The following MIPEP variants were observed in gnomAD, a reference collection of about 807,000 sequenced individuals.
MIPEP encodes mitochondrial intermediate peptidase.
In MIPEP, 79 loss-of-function variants were observed where a neutral mutation model predicts 90.3. That is an observed-to-expected ratio of 0.87 (90% CI 0.73 to 1.05). The LOEUF is 1.05. Ranked by LOEUF, MIPEP falls within the 50% of genes least tolerant of loss-of-function variation. The pLI, the probability that MIPEP is intolerant of heterozygous loss-of-function variation, is 0.00. For synonymous variants in MIPEP, 334 were observed against 315.8 expected (o/e 1.06, Z -0.61); for missense variants, 940 against 905.6 (o/e 1.04, Z -0.49).
intron 16 of MIPEP, 70 bp downstream of exon 16, chr13:23,805,880 T>C: frequency 1.3e-6 from 2 of 1,528,938 alleles, no homozygotes; most frequent in South Asian, 1.2e-5. Flanking sequence ...AAGGGGAAGA[T>C]AATCACAAGC....
In MIPEP at chr13:23,839,723, C is replaced by T; in HGVS notation, c.1264G>A (p.Val422Ile). 1 of 1,606,422 alleles carries T rather than the reference C, an allele frequency of 6.2e-7. No individual in the cohort carries two copies. The highest frequency in any genetic ancestry group is 8.5e-7 in the Non-Finnish European group (1 of 1,177,926). Residue 422 changes from valine (V) to isoleucine (I), a missense_variant, in exon 12 of 19, where the codon GTT becomes ATT. Coordinates refer to ENST00000382172, the MANE Select transcript of MIPEP (RefSeq NM_005932.4). Reference sequence around the variant, plus strand: ...AACAATCCTTCAGATTCATGAACAACAGCCTAGAAAAAAAAATTTAAATTT... The same window carrying T: ...AACAATCCTTCAGATTCATGAACAATAGCCTAGAAAAAAAAATTTAAATTT... ...VWSEDVRKLA[V>I]VHESEGLLGY...
At chr13:23,869,902 T>C (rs1418195990) in intron 6 of MIPEP, 111 bp downstream of exon 6, 1 of 738,652 alleles carries the variant, frequency 1.4e-6, no homozygotes, top group Non-Finnish European at 2.0e-6. Flanking sequence ...TAGGGCTTAG[T>C]AATGCTAAAA....
At position 23,889,154 on chromosome 13, in the gene MIPEP, A is replaced by C. The variant is rs192176293; in HGVS notation, c.167T>G (p.Leu56Trp). The change falls in exon 1 of 19, where the codon TTG becomes TGG. Residue 56 changes from leucine (L) to tryptophan (W), a missense_variant. Physicochemically the swap from Leu to Trp is moderately conservative, Grantham distance 61. Transcript: ENST00000382172. ...AFNVKPQGSR[L>W]DLFGERRGLF... ...CACCCGGCGCTCGCCGAACAGGTCC[A>C]AGCGGCTGCCCTGGGGCTTGACATT... is the stretch of plus-strand genomic sequence containing the variant. 4.5e-4 allele frequency: 661 copies of C among 1,461,180 alleles called. 6 individuals carry two copies. The African/African-American group carries it at 8.7e-3, about 19-fold the overall frequency. 90.5% of individuals were successfully genotyped at this position (1,461,180 alleles called of 1,614,324 possible).
At chr13:23,790,344 AG>A (rs2137375372) in intron 16 of MIPEP, among the ~76,000 whole-genome samples, 1 of 152,354 alleles carries the variant, frequency 6.6e-6, no homozygotes, top group East Asian at 1.9e-4. Context: ...TTCTGATGAC[AG>A]CAATGCCCCC....
rs558625384 is a variant in MIPEP, at chr13:23,857,803, T to C, written c.1106+1057A>G. ...GTATAGAAAAGAATATAGAAAGTTA[T>C]TGTTTTCTGTTTTTATGACAAATGC... On this transcript the variant is annotated intron_variant, in intron 10 of 18. Transcript: ENST00000382172. 2.6e-5 allele frequency among the ~76,000 whole-genome samples: 4 copies of C among 152,334 alleles called. No individual in the cohort carries two copies. In the East Asian group the frequency reaches 5.8e-4, roughly 22 times the overall value.
At chr13:23,753,255 A>G (rs1446325219) in intron 18 of MIPEP, among the ~76,000 whole-genome samples, 1 of 151,828 alleles carries the variant, frequency 6.6e-6, no homozygotes, top group African/African-American at 2.4e-5. Flanking sequence ...AATAATAATA[A>G]GACAAAAAAA....
intron 6 of MIPEP, 49 bp from the exon 7 acceptor site, chr13:23,869,497 C>T: frequency 6.7e-7 from 1 of 1,488,920 alleles, no homozygotes; most frequent in Non-Finnish European, 9.0e-7. Context: ...ATCACACAGT[C>T]CTATGCAACA....
chr13:23,739,704 C>T lies in MIPEP; in HGVS notation c.2045-9259G>A, dbSNP rs74764530. ...CATCATTAGTGTTCTGAGATAAATG[C>T]CTCTGCCTGCAGGCCAAGCTCCCTG... On this transcript the variant is annotated intron_variant, in intron 18 of 18. Transcript: ENST00000382172. 7.0e-3 allele frequency among the ~76,000 whole-genome samples: 1,065 copies of T among 152,322 alleles called. 20 individuals are homozygous for T. Among genetic ancestry groups the T allele is most frequent in the African/African-American group, 0.025 (1,027 of 41,572 alleles).
intron 14 of MIPEP, among the ~76,000 whole-genome samples, chr13:23,835,540 C>T (rs888764446): frequency 1.1e-4 from 16 of 151,812 alleles, no homozygotes; most frequent in African/African-American, 1.9e-4. Context: ...ACATTTGTAC[C>T]GGGAGTACAT....
chr13:23,768,197 T>C (rs929563567), intron 16 of MIPEP, among the ~76,000 whole-genome samples: 1 of 152,228 alleles, frequency 6.6e-6, no homozygotes, highest in Non-Finnish European at 1.5e-5. Context: ...TTCTATCTGC[T>C]AGCTTGATAG....
chr13:23,868,774 A>G (rs1870653015), intron 7 of MIPEP, among the ~76,000 whole-genome samples: 1 of 152,236 alleles, frequency 6.6e-6, no homozygotes, highest in African/African-American at 2.4e-5. Flanking sequence ...ATTATGAATC[A>G]TAAGGAACTC....
At chr13:23,755,449 G>A (rs1447461177) in intron 18 of MIPEP, among the ~76,000 whole-genome samples, 1 of 152,204 alleles carries the variant, frequency 6.6e-6, no homozygotes, top group African/African-American at 2.4e-5. Context: ...TAGGCAAGGA[G>A]ACATTTAAAT....
intron 14 of MIPEP, among the ~76,000 whole-genome samples, chr13:23,812,825 C>A (rs933801535): frequency 5.9e-5 from 9 of 152,178 alleles, no homozygotes; most frequent in Non-Finnish European, 1.2e-4. Flanking sequence ...ACCCAATTAT[C>A]TATTCAATGT....
chr13:23,766,827 C>T (rs1952595283), intron 16 of MIPEP, among the ~76,000 whole-genome samples: 1 of 152,248 alleles, frequency 6.6e-6, no homozygotes, highest in South Asian at 2.1e-4. Flanking sequence ...AATCCCCTGC[C>T]TTAAATATAG....
At chr13:23,888,358 T>C (rs1871608649) in intron 1 of MIPEP, among the ~76,000 whole-genome samples, 1 of 152,162 alleles carries the variant, frequency 6.6e-6, no homozygotes, top group Admixed American at 6.5e-5. Context: ...CCTAGACTTG[T>C]CTTTATAAGG....
chr13:23,875,530 CTT>C (rs548725844), intron 4 of MIPEP, among the ~76,000 whole-genome samples: 4 of 142,164 alleles, frequency 2.8e-5, no homozygotes, highest in Admixed American at 1.4e-4. Flanking sequence ...AGTGTAACAC[CTT>C]TTTTTTTTTG....
In MIPEP at chr13:23,788,211, T is replaced by C. The variant is rs147291192; in HGVS notation, c.1848+17739A>G. On this transcript the variant is annotated intron_variant, in intron 16 of 18. Transcript: ENST00000382172. ...ATTTTAAAAAGACAAAATCACACTA[T>C]GTATACTTTCCTATCAGTTTTTCCC... Among the ~76,000 whole-genome samples the C allele has an allele frequency of 7.2e-5, 11 of 152,382 alleles. No individual in the cohort carries two copies. The East Asian group carries it at 2.1e-3, about 29-fold the overall frequency.
At chr13:23,841,888 TATAC>T (rs892356606) in intron 10 of MIPEP, among the ~76,000 whole-genome samples, 1 of 152,154 alleles carries the variant, frequency 6.6e-6, no homozygotes, top group African/African-American at 2.4e-5. Context: ...TTGTGACCTA[TATAC>T]ATAAATATTA....
intron 18 of MIPEP, among the ~76,000 whole-genome samples, chr13:23,744,069 C>T (rs538421794): frequency 4.6e-5 from 7 of 152,210 alleles, no homozygotes; most frequent in African/African-American, 1.2e-4. Context: ...ATTCCTGCTA[C>T]GCTGTGCAAG....
Sources: gnomAD v4.1 joint callset for allele counts (sites outside exome capture counted in the v4.1 genomes callset) on GRCh38, gnomAD v4.1.1 for gene constraint, MANE v1.5 for transcripts, NCBI Gene and HGNC (gene_info 2026-07-23, HGNC 2026-07-21) for gene names.